Variants in ITGA7 observed in about 807,000 individuals in gnomAD.
ITGA7 encodes the protein integrin subunit alpha 7.
In ITGA7, 84 loss-of-function variants were observed where a neutral mutation model predicts 131.6. That is an observed-to-expected ratio of 0.64 (90% confidence interval 0.54 to 0.77). ITGA7 has a LOEUF of 0.77. Ranked by LOEUF, ITGA7 falls within the 30% of genes least tolerant of loss-of-function variation. The pLI, the probability that ITGA7 is intolerant of heterozygous loss-of-function variation, is 0.00. For synonymous variants in ITGA7, 548 were observed against 600.7 expected, an observed-to-expected ratio of 0.91 and a Z score of 1.28; for missense variants, 1,399 against 1,482.9, an observed-to-expected ratio of 0.94 and a Z score of 0.93.
At chr12:55,697,364 G>T in intron 10 of ITGA7, 87 bp from the exon 11 acceptor site, 1 of 1,579,066 alleles carries the variant, frequency 6.3e-7, no homozygotes, top group Non-Finnish European at 8.7e-7. Flanking sequence ...TCCTGTCACA[G>T]CCCCAGCCCC....
At chr12:55,702,844 G>T in intron 3 of ITGA7, 28 bp downstream of exon 3, 1 of 1,570,610 alleles carries the variant, frequency 6.4e-7, no homozygotes, top group Non-Finnish European at 8.7e-7. Context: ...CCCCATCCGT[G>T]CATTCAGTCA....
upstream of ITGA7, chr12:55,716,016 G>T: frequency 1.3e-6 from 2 of 1,520,580 alleles, no homozygotes; most frequent in Non-Finnish European, 8.8e-7. Context: ...TCAAGAGGGC[G>T]GTTCCCAACC....
rs754702806 is a variant in ITGA7 at position 55,688,232 on chromosome 12, C to G, written c.3027G>C (p.Lys1009Asn). 2 of 1,614,158 alleles carry G rather than the reference C, an allele frequency of 1.2e-6. No individual in the cohort carries two copies. The highest frequency in any genetic ancestry group is 3.3e-5 in the Admixed American group (2 of 60,016). ...RANITVKSSI[K>N]NLMLRDASTV... is the part of the protein sequence containing the mutation. ...TGGAGGCATCTCGGAGCATCAAGTT[C>G]TTTATGGAGGACTTCACTGTGATGT... Residue 1009 changes from lysine (K) to asparagine (N), a missense_variant, in exon 23 of 25, where the codon AAG becomes AAC. Physicochemically the swap from Lys to Asn is moderately conservative, Grantham distance 94. Coordinates refer to ENST00000257879, the MANE Select transcript of ITGA7 (RefSeq NM_002206.3).
Position 55,694,087 on chromosome 12 carries a change from C to G in ITGA7, c.2469G>C (p.Val823=). 1 of 1,614,252 alleles carries G rather than the reference C, an allele frequency of 6.2e-7. No individual in the cohort carries two copies. Among genetic ancestry groups the G allele is most frequent in the Non-Finnish European group, 8.5e-7 (1 of 1,180,044 alleles). The part of the protein sequence containing the change: ...AIPQQLFFSG[V]VRGERAMQSE... ...ACTGCATGGCTCTCTCGCCCCTCAC[C>G]ACACCAGAGAAGAAGAGTTGCTGGG... The change falls in exon 19 of 25, where the codon GTG becomes GTC. Residue 823 remains valine, a synonymous_variant. Coordinates refer to ENST00000257879, the MANE Select transcript of ITGA7 (RefSeq NM_002206.3). This position sits in a 1 kb window ranked among gnomAD's most constrained non-coding sequence, Gnocchi z 5.3.
chr12:55,689,308 C>T (rs1870939610), intron 21 of ITGA7, among the ~76,000 whole-genome samples: 1 of 152,168 alleles, frequency 6.6e-6, no homozygotes, highest in African/African-American at 2.4e-5. Context: ...CATTATCATC[C>T]TCATTTTTCA....
Position 55,699,953 on chromosome 12 carries a change from G to A in ITGA7, c.707C>T (p.Pro236Leu). Residue 236 changes from proline to leucine, a missense_variant, in exon 5 of 25, where the codon CCC becomes CTC. Physicochemically the swap from Pro to Leu is moderately conservative, Grantham distance 98 (BLOSUM62 -3). Coordinates refer to ENST00000257879, the MANE Select transcript of ITGA7 (RefSeq NM_002206.3). ...LFVTNIDSSD[P>L]DQLVYKTLDP... is the part of the protein sequence containing the mutation. Reference sequence around the variant, plus strand: ...CAAAGTTTTATACACCAGCTGGTCGGGGTCTGAGCTATCAATGTTGGTCAC... The same window carrying A: ...CAAAGTTTTATACACCAGCTGGTCGAGGTCTGAGCTATCAATGTTGGTCAC... 2 of 1,614,138 alleles carry A rather than the reference G, an allele frequency of 1.2e-6. No homozygotes were observed. The highest frequency in any genetic ancestry group is 1.6e-4 in the Middle Eastern group (1 of 6,062).
chr12:55,699,827 C>G, intron 5 of ITGA7, 43 bp downstream of exon 5: 1 of 1,576,424 alleles, frequency 6.3e-7, no homozygotes. Context: ...GGAGGGGAGG[C>G]TGGGCCATGC....
rs1262900833 is a variant in ITGA7, at chr12:55,707,865, C to T, written c.-183G>A. The T allele has an allele frequency of 6.9e-7, 1 of 1,447,648 alleles. No homozygotes were observed. Among genetic ancestry groups the T allele is most frequent in the Non-Finnish European group, 9.1e-7 (1 of 1,102,696 alleles). The allele number at this position is 1,447,648 out of a possible 1,614,324, so 89.7% of individuals were successfully genotyped here. A position where few individuals can be genotyped will look rare whatever the true frequency, so the allele number is the denominator to read the frequency against. ...CTCCGCCACCCCGCCGCCCCAGCACCGGCTAGGACAACTACAGCAGCCGCA... is the reference window on the plus strand; with the variant it reads ...CTCCGCCACCCCGCCGCCCCAGCACTGGCTAGGACAACTACAGCAGCCGCA... On this transcript the variant is annotated 5_prime_UTR_variant, in exon 1 of 25. Transcript: ENST00000257879.
chr12:55,690,843 A>G (rs1871273994), intron 21 of ITGA7, among the ~76,000 whole-genome samples: 1 of 152,158 alleles, frequency 6.6e-6, no homozygotes, highest in South Asian at 2.1e-4. Flanking sequence ...GAAATTGGAA[A>G]TCATTCTCAC....
chr12:55,702,841 C>G (rs571463029), intron 3 of ITGA7, 31 bp downstream of exon 3: 11 of 1,573,926 alleles, frequency 7.0e-6, no homozygotes, highest in Non-Finnish European at 8.7e-6. Context: ...ACACCCCATC[C>G]GTGCATTCAG....
rs1175427888 is a variant in ITGA7, at chr12:55,707,892, C to T, written c.-210G>A. The stretch of plus-strand genomic sequence containing the variant: ...GCTAGGACAACTACAGCAGCCGCAG[C>T]TCCGGCGCCCACTCCGGCTCCCGCC... On this transcript the variant is annotated 5_prime_UTR_variant, in exon 1 of 25. Transcript: ENST00000257879. 7 of 1,415,942 alleles carry T rather than the reference C, an allele frequency of 4.9e-6. No individual in the cohort carries two copies. Among genetic ancestry groups the T allele is most frequent in the East Asian group, 5.3e-5 (2 of 37,640 alleles). 87.7% of individuals were successfully genotyped at this position (1,415,942 alleles called of 1,614,324 possible). A position where few individuals can be genotyped will look rare whatever the true frequency, so the allele number is the denominator to read the frequency against.
chr12:55,699,416 G>A (rs542102907), intron 5 of ITGA7: 15 of 283,378 alleles, frequency 5.3e-5, no homozygotes, highest in African/African-American at 3.3e-4. Context: ...AGACAAGGGG[G>A]AGTGAGAGAG....
At chr12:55,702,800 G>A (rs916371800) in intron 3 of ITGA7, 72 bp downstream of exon 3, 22 of 1,278,116 alleles carry the variant, frequency 1.7e-5, no homozygotes, top group Middle Eastern at 3.7e-4. Context: ...ACACCTATGC[G>A]TATGCACACA....
chr12:55,689,173 A>G (rs1057211194), intron 21 of ITGA7, among the ~76,000 whole-genome samples: 2 of 152,244 alleles, frequency 1.3e-5, no homozygotes, highest in African/African-American at 4.8e-5. Context: ...CTTACTTGAC[A>G]GCACAGGCAG....
chr12:55,714,664 C>T (rs1391789067), upstream of ITGA7, among the ~76,000 whole-genome samples: 2 of 150,376 alleles, frequency 1.3e-5, no homozygotes, highest in African/African-American at 2.5e-5. Flanking sequence ...CCAGCCTAGG[C>T]GACAGAGCGA....
intron 21 of ITGA7, among the ~76,000 whole-genome samples, chr12:55,690,269 T>C (rs967590859): frequency 4.6e-5 from 7 of 151,866 alleles, no homozygotes; most frequent in African/African-American, 1.7e-4. Context: ...TCAAACAAAT[T>C]TACAAGAACA....
In ITGA7 at chr12:55,694,110, G is replaced by A. The variant is rs1565620275; in HGVS notation, c.2446C>T (p.Gln816Ter). 8 of 1,614,090 alleles carry A rather than the reference G, an allele frequency of 5.0e-6. No individual in the cohort carries two copies. Among genetic ancestry groups the A allele is most frequent in the Non-Finnish European group, 6.8e-6 (8 of 1,180,022 alleles). The change falls in exon 19 of 25, where the codon CAG (glutamine) becomes TAG (stop). Residue 816 changes from glutamine to a stop codon, truncating the protein, a stop_gained. Coordinates refer to ENST00000257879, the MANE Select transcript of ITGA7 (RefSeq NM_002206.3). LOFTEE classifies it high-confidence loss of function. This position sits in a 1 kb window ranked among gnomAD's most constrained non-coding sequence, Gnocchi z 5.3. ...PLSIAGMAIP[Q>*]QLFFSGVVRG... ...ACCACACCAGAGAAGAAGAGTTGCT[G>A]GGGAATGGCCATTCTGGCGTGGAGA... is the stretch of plus-strand genomic sequence containing the variant.
rs377270212 is a variant in ITGA7, at chr12:55,707,430, G to T, written c.206+47C>A. The T allele has an allele frequency of 2.7e-4, 398 of 1,482,676 alleles. 8 individuals are homozygous for T. In the South Asian group the frequency reaches 4.3e-3, roughly 16 times the overall value. The allele number at this position is 1,482,676 out of a possible 1,614,324, so 91.8% of individuals were successfully genotyped here. On this transcript the variant is annotated intron_variant, in intron 1 of 24. Transcript: ENST00000257879. ...AGGCCCACAGAGTGGGGAGGGGGAC[G>T]ATCTGTGGCTCGGGCATGGCGACTC...
chr12:55,697,150 C>T, intron 11 of ITGA7, 66 bp downstream of exon 11: 1 of 1,575,882 alleles, frequency 6.3e-7, no homozygotes, highest in Non-Finnish European at 8.6e-7. Context: ...TCTTCTACCA[C>T]CTCGAAGTGA....
Sources: gnomAD v4.1 joint callset for allele counts (sites outside exome capture counted in the v4.1 genomes callset) on GRCh38, gnomAD v4.1.1 for gene constraint, Gnocchi (gnomAD v3.1) non-coding constraint, MANE v1.5 for transcripts, NCBI Gene and HGNC (gene_info 2026-07-23, HGNC 2026-07-21) for gene names.